The following ALK variants were observed in gnomAD, a reference collection of about 807,000 sequenced individuals.
The protein encoded by ALK is ALK receptor tyrosine kinase.
A neutral mutation model predicts 163.1 loss-of-function variants in ALK; 74 were observed. That is an observed-to-expected ratio of 0.45 (90% CI 0.38 to 0.55). ALK has a LOEUF of 0.55. Ranked by LOEUF, ALK falls within the 20% of genes least tolerant of loss-of-function variation. The probability of loss-of-function intolerance (pLI) is 0.00; values close to 1 mark genes in which losing one functional copy is unlikely to be tolerated. For missense variants in ALK, 2,063 were observed against 2,105.3 expected (o/e 0.98, Z 0.39); for synonymous variants, 960 against 843.2 (o/e 1.14, Z -2.40).
At chr2:29,425,957 A>G (rs1454244292) in intron 4 of ALK, among the ~76,000 whole-genome samples, 2 of 152,200 alleles carry the variant, frequency 1.3e-5, no homozygotes, top group African/African-American at 4.8e-5. Flanking sequence ...CTGGAGTGAG[A>G]AAAAACCTTC....
At chr2:29,760,551 C>A (rs1473151490) in intron 1 of ALK, among the ~76,000 whole-genome samples, 1 of 152,182 alleles carries the variant, frequency 6.6e-6, no homozygotes, top group Non-Finnish European at 1.5e-5. Flanking sequence ...GTTTCCAGTG[C>A]ATTTCCATGT....
At chr2:29,224,386 C>T (rs1354308011) in intron 19 of ALK, among the ~76,000 whole-genome samples, 39 of 152,154 alleles carry the variant, frequency 2.6e-4, no homozygotes, top group Admixed American at 2.2e-3. Flanking sequence ...TTTCCCTAAC[C>T]ACTGCCACTC....
At chr2:29,885,704 G>A (rs1291197268) in intron 1 of ALK, among the ~76,000 whole-genome samples, 9 of 152,150 alleles carry the variant, frequency 5.9e-5, no homozygotes, top group Non-Finnish European at 8.8e-5. Flanking sequence ...GCCAGATGAT[G>A]AGGAGGAAGA....
At chr2:29,878,636 T>C (rs1241726370) in intron 1 of ALK, among the ~76,000 whole-genome samples, 1 of 152,200 alleles carries the variant, frequency 6.6e-6, no homozygotes, top group Non-Finnish European at 1.5e-5. Flanking sequence ...CTTAGAAATT[T>C]CCAGTCTTCC....
At chr2:29,669,181 A>G (rs994345692) in intron 3 of ALK, among the ~76,000 whole-genome samples, 4 of 152,048 alleles carry the variant, frequency 2.6e-5, no homozygotes, top group African/African-American at 4.8e-5. Flanking sequence ...TCTGTCCATT[A>G]CTAAAAGTGG....
intron 6 of ALK, among the ~76,000 whole-genome samples, chr2:29,326,484 A>G (rs1667265930): frequency 6.6e-6 from 1 of 152,190 alleles, no homozygotes; most frequent in South Asian, 2.1e-4. Context: ...ACTGCTGGAA[A>G]CACTGCAGAC....
At chr2:29,564,681 G>A (rs1444918397) in intron 3 of ALK, among the ~76,000 whole-genome samples, 6 of 152,180 alleles carry the variant, frequency 3.9e-5, no homozygotes, top group Non-Finnish European at 7.4e-5. Context: ...ATAACTCAGA[G>A]AAACCACTGA....
chr2:29,790,083 A>T (rs1446914196), intron 1 of ALK, among the ~76,000 whole-genome samples: 1 of 152,220 alleles, frequency 6.6e-6, no homozygotes, highest in Non-Finnish European at 1.5e-5. Flanking sequence ...GAGGGTAGGC[A>T]TGTGGGTTAA....
chr2:29,727,074 C>A (rs1679595678), intron 1 of ALK, among the ~76,000 whole-genome samples: 1 of 152,188 alleles, frequency 6.6e-6, no homozygotes, highest in Non-Finnish European at 1.5e-5. Context: ...GACAATAGAT[C>A]CCTTTGGGTC....
intron 5 of ALK, among the ~76,000 whole-genome samples, chr2:29,342,042 G>T (rs1239280219): frequency 6.6e-6 from 1 of 152,130 alleles, no homozygotes; most frequent in Non-Finnish European, 1.5e-5. Context: ...TATGTATTGG[G>T]CATTTTTTGA....
chr2:29,453,976 G>C (rs912103395), intron 4 of ALK, among the ~76,000 whole-genome samples: 2 of 152,272 alleles, frequency 1.3e-5, no homozygotes, highest in East Asian at 1.9e-4. Context: ...AAATGCAATA[G>C]TTGGATTAAC....
intron 1 of ALK, among the ~76,000 whole-genome samples, chr2:29,828,308 T>C (rs562855797): frequency 8.5e-5 from 13 of 152,186 alleles, no homozygotes; most frequent in African/African-American, 2.2e-4. Context: ...AAAGCCAAAA[T>C]TGACAAATGG....
intron 1 of ALK, among the ~76,000 whole-genome samples, chr2:29,872,453 C>T (rs968776010): frequency 3.3e-5 from 5 of 152,198 alleles, no homozygotes; most frequent in African/African-American, 1.2e-4. Context: ...TTTAATACAA[C>T]ATCATAGGTT....
At chr2:29,773,779 A>G (rs977053652) in intron 1 of ALK, among the ~76,000 whole-genome samples, 3 of 152,224 alleles carry the variant, frequency 2.0e-5, no homozygotes, top group African/African-American at 7.2e-5. Context: ...ACGCATCATA[A>G]AAAATAAGAC....
chr2:29,490,657 G>A (rs1027759284), intron 4 of ALK, among the ~76,000 whole-genome samples: 3 of 152,128 alleles, frequency 2.0e-5, no homozygotes, highest in Admixed American at 6.5e-5. Context: ...TGGATGCCAC[G>A]GGCCTCTTTG....
intron 5 of ALK, among the ~76,000 whole-genome samples, chr2:29,355,698 T>A (rs6729436): frequency 0.43 from 64,986 of 152,020 alleles, 14,342 homozygotes; most frequent in East Asian, 0.78. Flanking sequence ...CTGTCAGAAG[T>A]GCTGCCTTTT....
intron 8 of ALK, among the ~76,000 whole-genome samples, chr2:29,312,563 C>T (rs546139283): frequency 4.7e-4 from 71 of 152,270 alleles, no homozygotes; most frequent in Non-Finnish European, 7.8e-4. Flanking sequence ...GGAGGCAGCT[C>T]TACCTGGAGC....
intron 3 of ALK, among the ~76,000 whole-genome samples, chr2:29,598,718 C>G (rs1276019665): frequency 6.6e-6 from 1 of 152,024 alleles, no homozygotes; most frequent in African/African-American, 2.4e-5. Context: ...AGGAAATGCT[C>G]TAAAATATTA....
intron 1 of ALK, among the ~76,000 whole-genome samples, chr2:29,749,405 C>T (rs1248020155): frequency 6.6e-6 from 1 of 152,202 alleles, no homozygotes; most frequent in Non-Finnish European, 1.5e-5. Flanking sequence ...TTACAAACAG[C>T]ACTTCAGTTG....
Sources: gnomAD v4.1 joint callset for allele counts (sites outside exome capture counted in the v4.1 genomes callset) on GRCh38, gnomAD v4.1.1 for gene constraint, MANE v1.5 for transcripts, NCBI Gene and HGNC (gene_info 2026-07-23, HGNC 2026-07-21) for gene names.